CYRIA: variants seen among roughly 807,000 people sequenced by gnomAD.
The protein encoded by CYRIA is CYFIP related Rac1 interactor A.
In CYRIA, 15 loss-of-function variants were observed where a neutral mutation model predicts 43.9. That is an observed-to-expected ratio of 0.34 (90% CI 0.23 to 0.53). CYRIA has a LOEUF of 0.53. Among genes scored for constraint, CYRIA ranks in the 20% least tolerant of loss-of-function variants. The pLI, the probability that CYRIA is intolerant of heterozygous loss-of-function variation, is 0.94. For synonymous variants in CYRIA, 117 were observed against 136.0 expected (o/e 0.86, Z 0.97); for missense variants, 236 against 394.2 (o/e 0.60, Z 3.40).
chr2:16,627,120 G>A (rs560026391), intron 1 of CYRIA, among the ~76,000 whole-genome samples: 184 of 152,322 alleles, frequency 1.2e-3, no homozygotes, highest in Non-Finnish European at 2.1e-3. Context: ...CCCCATTCAG[G>A]GGAGGGCTAG....
chr2:16,635,820 G>A (rs1669479395), intron 1 of CYRIA, among the ~76,000 whole-genome samples: 1 of 152,160 alleles, frequency 6.6e-6, no homozygotes, highest in Non-Finnish European at 1.5e-5. Flanking sequence ...CTCTGGGGAG[G>A]CAATTGTCAA....
Position 16,650,535 on chromosome 2 carries a change from C to A in CYRIA, c.-167+15245G>T, listed in dbSNP as rs1669945951. On this transcript the variant is annotated intron_variant, in intron 1 of 11. Coordinates refer to ENST00000381323, the MANE Select transcript of CYRIA (RefSeq NM_030797.4). The surrounding 1 kb of genome is among the most constrained non-coding windows in gnomAD (Gnocchi z 4.1). ...GGCCTACAATAGAACAAATGCAGAA[C>A]CTTCTCCGTTAAGCTTCATGGGCTG... Among the ~76,000 whole-genome samples, 1 of 152,352 alleles carries A rather than the reference C, an allele frequency of 6.6e-6. No individual in the cohort carries two copies.
chr2:16,586,514 A>G (rs1477412842), intron 3 of CYRIA, among the ~76,000 whole-genome samples: 3 of 152,110 alleles, frequency 2.0e-5, no homozygotes, highest in African/African-American at 7.2e-5. Flanking sequence ...TAACAACAAC[A>G]TAGCACGCTG....
intron 3 of CYRIA, among the ~76,000 whole-genome samples, chr2:16,572,802 A>AT (rs970871373): frequency 1.3e-5 from 2 of 151,904 alleles, no homozygotes; most frequent in Non-Finnish European, 2.9e-5. Flanking sequence ...CAAGAAAACC[A>AT]TTTTTTTCAG....
At chr2:16,607,226 G>A (rs1484546017) in intron 2 of CYRIA, among the ~76,000 whole-genome samples, 1 of 149,208 alleles carries the variant, frequency 6.7e-6, no homozygotes, top group Non-Finnish European at 1.5e-5. Flanking sequence ...AGCAAGCTGT[G>A]CAGACGGTCA....
chr2:16,617,265 G>C (rs1668831204), intron 2 of CYRIA, among the ~76,000 whole-genome samples: 1 of 152,202 alleles, frequency 6.6e-6, no homozygotes, highest in Non-Finnish European at 1.5e-5. Flanking sequence ...GGCCAAGTTG[G>C]TTTCAGCAGT....
In CYRIA at chr2:16,650,519, T is replaced by G. The variant is rs148928511; in HGVS notation, c.-167+15261A>C. 1.3e-5 allele frequency among the ~76,000 whole-genome samples: 2 copies of G among 152,190 alleles called. No homozygotes were observed. The highest frequency in any genetic ancestry group is 2.9e-5 in the Non-Finnish European group (2 of 68,040). ...CAACAACAGACCAAGAGGCCTACAA[T>G]AGAACAAATGCAGAACCTTCTCCGT... On this transcript the variant is annotated intron_variant, in intron 1 of 11. Transcript: ENST00000381323. The surrounding 1 kb of genome is among the most constrained non-coding windows in gnomAD (Gnocchi z 4.1).
chr2:16,605,153 T>C (rs977344584), intron 2 of CYRIA, among the ~76,000 whole-genome samples: 1 of 151,998 alleles, frequency 6.6e-6, no homozygotes, highest in Non-Finnish European at 1.5e-5. Flanking sequence ...GAAACCATTA[T>C]GGAATTGAAC....
chr2:16,611,471 A>T (rs1282916454), intron 2 of CYRIA, among the ~76,000 whole-genome samples: 1 of 152,248 alleles, frequency 6.6e-6, no homozygotes, highest in African/African-American at 2.4e-5. Flanking sequence ...AGTAAGGACC[A>T]GTAAGGATGA....
chr2:16,617,432 A>T (rs1668841623), intron 2 of CYRIA, among the ~76,000 whole-genome samples: 1 of 152,236 alleles, frequency 6.6e-6, no homozygotes, highest in African/African-American at 2.4e-5. Flanking sequence ...GCCTAGGCCA[A>T]AACCCCCTGC....
At chr2:16,625,268 G>C (rs1669125604) in intron 1 of CYRIA, among the ~76,000 whole-genome samples, 1 of 152,032 alleles carries the variant, frequency 6.6e-6, no homozygotes, top group African/African-American at 2.4e-5. Flanking sequence ...CTGGCTCTCA[G>C]CAGCAGGGGC....
In CYRIA at chr2:16,650,047, C is replaced by T. The variant is rs556614775; in HGVS notation, c.-167+15733G>A. The stretch of plus-strand genomic sequence containing the variant: ...ACATTCCAAGAAGCACACACCCCCT[C>T]AGCCCAGGTTCCAGAATGAGAAGAA... On this transcript the variant is annotated intron_variant, in intron 1 of 11. Coordinates refer to ENST00000381323, the MANE Select transcript of CYRIA (RefSeq NM_030797.4). The surrounding 1 kb of genome is among the most constrained non-coding windows in gnomAD (Gnocchi z 4.1). 1.1e-3 allele frequency among the ~76,000 whole-genome samples: 173 copies of T among 152,312 alleles called. No homozygotes were observed. The highest frequency in any genetic ancestry group is 4.0e-3 in the African/African-American group (166 of 41,556).
chr2:16,591,169 T>C (rs1667918112), intron 2 of CYRIA, among the ~76,000 whole-genome samples: 1 of 152,168 alleles, frequency 6.6e-6, no homozygotes, highest in Admixed American at 6.5e-5. Context: ...TTTTATCTCA[T>C]TCAATAAAAT....
Position 16,612,880 on chromosome 2 carries a change from GT to G in CYRIA, c.-11+10983del, listed in dbSNP as rs200296595. On this transcript the variant is annotated intron_variant, in intron 2 of 11. Coordinates refer to ENST00000381323, the MANE Select transcript of CYRIA (RefSeq NM_030797.4). ...TGTCGTGGGAGGGACCTGGTGGGAG[GT>G]AATTGAATCATGGTGGCACTTCCCC... Among the ~76,000 whole-genome samples the G allele has an allele frequency of 7.3e-3, 1,105 of 152,308 alleles. 16 individuals carry two copies. The highest frequency in any genetic ancestry group is 0.025 in the African/African-American group (1,049 of 41,560).
intron 3 of CYRIA, among the ~76,000 whole-genome samples, chr2:16,568,335 T>C (rs1667022109): frequency 6.6e-6 from 1 of 151,848 alleles, no homozygotes; most frequent in South Asian, 2.1e-4. Flanking sequence ...GGCCTATCAG[T>C]GTTTCCCAAA....
Position 16,592,197 on chromosome 2 carries a change from C to A in CYRIA, c.-10-4068G>T, listed in dbSNP as rs1667957032. ...GATTTTTGTATCTGGAAGGTTCAACCAAGAGGTATGATATAAATATTCCAA... is the reference window on the plus strand; with the variant it reads ...GATTTTTGTATCTGGAAGGTTCAACAAAGAGGTATGATATAAATATTCCAA... On this transcript the variant is annotated intron_variant, in intron 2 of 11. Coordinates refer to ENST00000381323, the MANE Select transcript of CYRIA (RefSeq NM_030797.4). Among the ~76,000 whole-genome samples, 3 of 152,030 alleles carry A rather than the reference C, an allele frequency of 2.0e-5. No homozygotes were observed. The South Asian group carries it at 6.2e-4, about 32-fold the overall frequency.
intron 1 of CYRIA, among the ~76,000 whole-genome samples, chr2:16,662,543 G>T (rs977953060): frequency 6.6e-6 from 1 of 152,198 alleles, no homozygotes; most frequent in Non-Finnish European, 1.5e-5. Context: ...ATGATGTCTT[G>T]TCAGGTAATT....
rs1385756281 is a variant in CYRIA at position 16,650,392 on chromosome 2, C to CT, written c.-167+15387dup. ...TATAGTATAAAACAAGACTGACTCA[C>CT]TTCAATATAAAAATCTCTGCAAACT... On this transcript the variant is annotated intron_variant, in intron 1 of 11. Transcript: ENST00000381323. This position sits in a 1 kb window ranked among gnomAD's most constrained non-coding sequence, Gnocchi z 4.1. Among the ~76,000 whole-genome samples, 3 of 152,154 alleles carry CT rather than the reference C, an allele frequency of 2.0e-5. No homozygotes were observed. Among genetic ancestry groups the CT allele is most frequent in the African/African-American group, 7.2e-5 (3 of 41,422 alleles).
At chr2:16,632,392 G>C (rs1669351896) in intron 1 of CYRIA, among the ~76,000 whole-genome samples, 1 of 152,186 alleles carries the variant, frequency 6.6e-6, no homozygotes, top group Non-Finnish European at 1.5e-5. Flanking sequence ...GAAGTTCAGA[G>C]GGTGCCTGGT....
Sources: allele counts gnomAD v4.1 joint callset (sites outside exome capture counted in the v4.1 genomes callset), GRCh38; gene constraint gnomAD v4.1.1; non-coding constraint Gnocchi (gnomAD v3.1); transcripts MANE v1.5; gene names NCBI Gene and HGNC (gene_info 2026-07-23, HGNC 2026-07-21).